Variants in CCDC66 observed in about 807,000 individuals in gnomAD.
CCDC66 encodes coiled-coil domain-containing protein 66.
CCDC66 carries 133 observed loss-of-function variants against 128.3 expected under a neutral mutation model. The observed-to-expected ratio is 1.04, with a 90% CI of 0.90 to 1.20. The LOEUF is 1.20. Ranked by LOEUF, CCDC66 falls within the 50% of genes most tolerant of loss-of-function variation. CCDC66 has a pLI of 0.00. For synonymous variants in CCDC66, 387 were observed against 357.0 expected (o/e 1.08, Z -0.95); for missense variants, 1,126 against 1,075.5 (o/e 1.05, Z -0.66).
chr3:56,576,882 C>T (rs1287222158), intron 7 of CCDC66, among the ~76,000 whole-genome samples: 3 of 151,702 alleles, frequency 2.0e-5, no homozygotes, highest in Non-Finnish European at 2.9e-5. Flanking sequence ...AGTAAACATA[C>T]GTATGCATGT....
chr3:56,588,333 G>C (rs991796038), intron 7 of CCDC66, among the ~76,000 whole-genome samples: 1 of 152,136 alleles, frequency 6.6e-6, no homozygotes, highest in Non-Finnish European at 1.5e-5. Flanking sequence ...AGGGATAAAA[G>C]ACTACAAATT....
chr3:56,582,155 G>A (rs558417038), intron 7 of CCDC66, among the ~76,000 whole-genome samples: 1 of 152,024 alleles, frequency 6.6e-6, no homozygotes, highest in East Asian at 2.0e-4. Flanking sequence ...TTGCAGTTCA[G>A]TCTCAGACTG....
At chr3:56,559,656 G>T in intron 3 of CCDC66, 62 bp downstream of exon 3, 2 of 1,190,868 alleles carry the variant, frequency 1.7e-6, no homozygotes, top group South Asian at 3.0e-5. Flanking sequence ...TATTTATAGT[G>T]GTTAGAAAAT....
At chr3:56,586,756 A>G (rs2106821959) in intron 7 of CCDC66, among the ~76,000 whole-genome samples, 1 of 151,938 alleles carries the variant, frequency 6.6e-6, no homozygotes. Context: ...TACATTATTA[A>G]AAATTATGGG....
At chr3:56,619,244 AT>A in intron 15 of CCDC66, 26 bp from the exon 16 acceptor site, 1 of 1,505,022 alleles carries the variant, frequency 6.6e-7, no homozygotes, top group Non-Finnish European at 8.9e-7. Context: ...TAAATACACA[AT>A]TTTTTACTAT....
chr3:56,609,701 T>C (rs1394658171), intron 10 of CCDC66, among the ~76,000 whole-genome samples: 1 of 152,256 alleles, frequency 6.6e-6, no homozygotes, highest in African/African-American at 2.4e-5. Context: ...GTGTGATTTA[T>C]GTTTTAAAGA....
At chr3:56,594,131 C>A in intron 10 of CCDC66, 103 bp downstream of exon 10, 1 of 1,018,756 alleles carries the variant, frequency 9.8e-7, no homozygotes, top group Non-Finnish European at 1.5e-6. Flanking sequence ...AACTTTACAG[C>A]ATAGGTCCTG....
chr3:56,618,399 T>C lies in CCDC66; in HGVS notation c.2378+187T>C, dbSNP rs1316308506. 4 of 540,622 alleles carry C rather than the reference T, an allele frequency of 7.4e-6. No individual in the cohort carries two copies. The South Asian group carries it at 1.2e-4, about 16-fold the overall frequency. The allele number at this position is 540,622 out of a possible 1,614,324, so 33.5% of individuals were successfully genotyped here. On this transcript the variant is annotated intron_variant, in intron 15 of 17. Coordinates refer to ENST00000394672, the MANE Select transcript of CCDC66 (RefSeq NM_001141947.3). Reference sequence around the variant, plus strand: ...TTTAGCAGGAGCTTGAAGGCCCAAGTTGGACTGGGCCTAGGCAGGAATGTA... The same window carrying C: ...TTTAGCAGGAGCTTGAAGGCCCAAGCTGGACTGGGCCTAGGCAGGAATGTA...
chr3:56,605,776 A>C (rs2073978535), intron 10 of CCDC66, among the ~76,000 whole-genome samples: 1 of 151,986 alleles, frequency 6.6e-6, no homozygotes, highest in Middle Eastern at 3.4e-3. Context: ...AGGCAGTCTG[A>C]CCCTTAGTAG....
At chr3:56,567,413 G>A (rs1484029385) in intron 6 of CCDC66, among the ~76,000 whole-genome samples, 1 of 152,134 alleles carries the variant, frequency 6.6e-6, no homozygotes, top group Admixed American at 6.5e-5. Context: ...AAAAGAATAT[G>A]TATTGAGGAT....
chr3:56,573,705 C>T (rs527458272), intron 7 of CCDC66, among the ~76,000 whole-genome samples: 1 of 149,442 alleles, frequency 6.7e-6, no homozygotes, highest in South Asian at 2.1e-4. Flanking sequence ...TTCTGAAGGG[C>T]TGGTTTCTGT....
At chr3:56,609,588 G>A (rs2074518576) in intron 10 of CCDC66, among the ~76,000 whole-genome samples, 1 of 152,210 alleles carries the variant, frequency 6.6e-6, no homozygotes, top group Admixed American at 6.5e-5. Context: ...ATATTGAAAT[G>A]TGAGGTACTG....
chr3:56,599,814 G>A (rs920775770), intron 10 of CCDC66, among the ~76,000 whole-genome samples: 1 of 151,986 alleles, frequency 6.6e-6, no homozygotes, highest in Non-Finnish European at 1.5e-5. Context: ...GATCTGTCCT[G>A]GAGAATAATC....
chr3:56,618,570 TTCAG>T (rs1212440386), intron 15 of CCDC66: 1 of 209,742 alleles, frequency 4.8e-6, no homozygotes, highest in Non-Finnish European at 9.5e-6. Flanking sequence ...CAATGAGAAA[TTCAG>T]TCAGTTAATG....
chr3:56,619,047 G>GTCTC, intron 15 of CCDC66: 1 of 396,662 alleles, frequency 2.5e-6, no homozygotes, highest in Non-Finnish European at 4.5e-6. Context: ...GGTGAACCCC[G>GTCTC]TCTCTACTAA....
intron 6 of CCDC66, chr3:56,569,364 G>A: frequency 3.0e-6 from 1 of 338,588 alleles, no homozygotes; most frequent in Non-Finnish European, 6.2e-6. Flanking sequence ...TTCTGGTGAG[G>A]CCTCAGGAAG....
chr3:56,602,715 G>A (rs963208157), intron 10 of CCDC66, among the ~76,000 whole-genome samples: 13 of 151,712 alleles, frequency 8.6e-5, no homozygotes, highest in African/African-American at 2.9e-4. Flanking sequence ...GAGGGTGTAT[G>A]TGTCCAGGAA....
At chr3:56,565,548 C>G (rs952143801) in intron 4 of CCDC66, among the ~76,000 whole-genome samples, 1 of 151,174 alleles carries the variant, frequency 6.6e-6, no homozygotes, top group Admixed American at 6.6e-5. Flanking sequence ...GCCTCAGCCT[C>G]CTAAAGTGCT....
At chr3:56,606,227 C>T (rs1331215841) in intron 10 of CCDC66, among the ~76,000 whole-genome samples, 3 of 152,080 alleles carry the variant, frequency 2.0e-5, no homozygotes, top group Non-Finnish European at 4.4e-5. Context: ...ATAGGACCCT[C>T]CGAGCCTGAC....
Sources: gnomAD v4.1 joint callset for allele counts (sites outside exome capture counted in the v4.1 genomes callset) on GRCh38, gnomAD v4.1.1 for gene constraint, MANE v1.5 for transcripts, NCBI Gene and HGNC (gene_info 2026-07-23, HGNC 2026-07-21) for gene names.